The following ARHGAP22 variants were observed in gnomAD, a reference collection of about 807,000 sequenced individuals.
ARHGAP22 encodes the protein Rho GTPase activating protein 22.
ARHGAP22 carries 48 observed loss-of-function variants against 59.1 expected under a neutral mutation model. The observed-to-expected ratio is 0.81, with a 90% CI of 0.64 to 1.03. The LOEUF (loss-of-function observed/expected upper bound fraction) is 1.03. Ranked by LOEUF, ARHGAP22 falls within the 50% of genes least tolerant of loss-of-function variation. ARHGAP22 has a pLI of 0.00. For synonymous variants in ARHGAP22, 445 were observed against 416.4 expected (o/e 1.07, Z -0.84); for missense variants, 1,015 against 958.7 (o/e 1.06, Z -0.78).
chr10:48,609,305 T>A (rs2060791832), upstream of ARHGAP22, among the ~76,000 whole-genome samples: 1 of 152,200 alleles, frequency 6.6e-6, no homozygotes, highest in Non-Finnish European at 1.5e-5. Context: ...ATCCTTGCAG[T>A]TAGGTGTGAC....
chr10:48,605,509 A>G (rs1410861390), upstream of ARHGAP22, among the ~76,000 whole-genome samples: 1 of 152,014 alleles, frequency 6.6e-6, no homozygotes, highest in East Asian at 1.9e-4. Context: ...TAGTAAGGTG[A>G]CAGGAATAAG....
chr10:48,558,270 T>TACTTTTGA (rs1469660807), intron 2 of ARHGAP22, among the ~76,000 whole-genome samples: 1 of 152,220 alleles, frequency 6.6e-6, no homozygotes, highest in Non-Finnish European at 1.5e-5. Context: ...TAGGAAATGA[T>TACTTTTGA]ATATTTTGAA....
At chr10:48,451,510 GC>G in intron 8 of ARHGAP22, 1 of 702,456 alleles carries the variant, frequency 1.4e-6, no homozygotes, top group Non-Finnish European at 2.6e-6. Context: ...TCTCTCGGCT[GC>G]CCCACGTCAC....
chr10:48,521,727 T>A (rs1589915110), intron 3 of ARHGAP22, among the ~76,000 whole-genome samples: 1 of 152,368 alleles, frequency 6.6e-6, no homozygotes, highest in East Asian at 1.9e-4. Context: ...GTGTTACTGC[T>A]ATTACAACCG....
chr10:48,435,056 G>GCC, the ARHGAP22 span: 1 of 1,214,556 alleles, frequency 8.2e-7, no homozygotes, highest in Non-Finnish European at 1.1e-6. Flanking sequence ...GGGGTGGGAG[G>GCC]GATGGGGAGT....
At chr10:48,577,345 T>A (rs2058782958) in intron 2 of ARHGAP22, among the ~76,000 whole-genome samples, 1 of 152,228 alleles carries the variant, frequency 6.6e-6, no homozygotes, top group Non-Finnish European at 1.5e-5. Context: ...TCTTGGTTCC[T>A]CAAATGAGAG....
intron 3 of ARHGAP22, among the ~76,000 whole-genome samples, chr10:48,506,662 A>T (rs2052167099): frequency 6.6e-6 from 1 of 152,162 alleles, no homozygotes. Context: ...GGAGGCAGCC[A>T]TTCACATGGT....
intron 3 of ARHGAP22, among the ~76,000 whole-genome samples, chr10:48,534,601 G>A (rs375223904): frequency 1.3e-5 from 2 of 152,340 alleles, no homozygotes; most frequent in East Asian, 1.9e-4. Flanking sequence ...TGGCATACAC[G>A]CCACTTACTG....
Position 48,585,672 on chromosome 10 carries a change from C to T in ARHGAP22, c.35-2520G>A, listed in dbSNP as rs141230892. Among the ~76,000 whole-genome samples the T allele has an allele frequency of 2.5e-3, 388 of 152,324 alleles. 9 individuals carry two copies. Among genetic ancestry groups the T allele is most frequent in the Admixed American group, 0.02 (305 of 15,302 alleles). On this transcript the variant is annotated intron_variant, in intron 1 of 9. Coordinates refer to ENST00000249601, the MANE Select transcript of ARHGAP22 (RefSeq NM_021226.4). ...AGCAGCTGTGATAGATCTATGGGTACCACTAGCCACCCTGGTGTCAGACTG... is the reference window on the plus strand; with the variant it reads ...AGCAGCTGTGATAGATCTATGGGTATCACTAGCCACCCTGGTGTCAGACTG...
rs2060589089 is a variant in ARHGAP22 at position 48,604,781 on chromosome 10, T to A, written c.16A>T (p.Ile6Phe). Residue 6 changes from isoleucine (I) to phenylalanine (F), a missense_variant, in exon 1 of 10, where the codon ATC (isoleucine) becomes TTC (phenylalanine). Coordinates refer to ENST00000249601, the MANE Select transcript of ARHGAP22 (RefSeq NM_021226.4). ...GACTTACCCCTCCTGGCCTGCCTGA[T>A]CTTTGGGCTCAGCATGTTCTTGCAG... MLSPK[I>F]RQARRARSKS... 1 of 1,614,112 alleles carries A rather than the reference T, an allele frequency of 6.2e-7. No homozygotes were observed. Among genetic ancestry groups the A allele is most frequent in the African/African-American group, 1.3e-5 (1 of 75,038 alleles).
chr10:48,444,464 A>C (rs1212447802), downstream of ARHGAP22: 1 of 152,228 alleles, frequency 6.6e-6, no homozygotes, highest in Non-Finnish European at 1.5e-5. Context: ...TTGAGATAAG[A>C]ATGCCATTTG....
intron 2 of ARHGAP22, among the ~76,000 whole-genome samples, chr10:48,562,866 T>C (rs1429610269): frequency 1.3e-5 from 2 of 152,230 alleles, no homozygotes; most frequent in African/African-American, 4.8e-5. Context: ...AATATGTATT[T>C]GTTTCCTAAC....
At chr10:48,506,307 C>A (rs1220011207) in intron 3 of ARHGAP22, among the ~76,000 whole-genome samples, 1 of 152,200 alleles carries the variant, frequency 6.6e-6, no homozygotes, top group Non-Finnish European at 1.5e-5. Flanking sequence ...TACTGCACAC[C>A]CAAGCTCTAT....
chr10:48,571,770 G>A (rs1239863350), intron 2 of ARHGAP22, among the ~76,000 whole-genome samples: 1 of 152,124 alleles, frequency 6.6e-6, no homozygotes, highest in African/African-American at 2.4e-5. Flanking sequence ...AGTTGCATTT[G>A]GCAGCTGAGC....
At chr10:48,458,489 G>A (rs966788185) in intron 5 of ARHGAP22, among the ~76,000 whole-genome samples, 5 of 152,104 alleles carry the variant, frequency 3.3e-5, no homozygotes, top group Admixed American at 6.5e-5. Flanking sequence ...TGGGTGAGGC[G>A]CAGACGGCCT....
At chr10:48,636,707 C>T (rs931257381) in intron 1 of ARHGAP22, among the ~76,000 whole-genome samples, 6 of 152,164 alleles carry the variant, frequency 3.9e-5, no homozygotes, top group African/African-American at 9.7e-5. Flanking sequence ...CTATAGTCAT[C>T]GCTAGTAGGA....
intron 1 of ARHGAP22, among the ~76,000 whole-genome samples, chr10:48,610,862 C>T (rs1475633256): frequency 6.6e-6 from 1 of 152,186 alleles, no homozygotes; most frequent in African/African-American, 2.4e-5. Flanking sequence ...AAGAGTCACC[C>T]TAAAAGAGCT....
At chr10:48,503,090 G>A (rs1472676575) in intron 3 of ARHGAP22, among the ~76,000 whole-genome samples, 2 of 152,210 alleles carry the variant, frequency 1.3e-5, no homozygotes, top group Non-Finnish European at 1.5e-5. Flanking sequence ...CCAGGCCTCC[G>A]CAGTAAGAAT....
At chr10:48,492,040 G>C (rs913749458) in intron 3 of ARHGAP22, among the ~76,000 whole-genome samples, 9 of 152,146 alleles carry the variant, frequency 5.9e-5, no homozygotes, top group Non-Finnish European at 1.3e-4. Flanking sequence ...TGGGGAGAGG[G>C]GGAGGCTCGA....
Sources: allele counts gnomAD v4.1 joint callset (sites outside exome capture counted in the v4.1 genomes callset), GRCh38; gene constraint gnomAD v4.1.1; transcripts MANE v1.5; gene names NCBI Gene and HGNC (gene_info 2026-07-23, HGNC 2026-07-21).